The following EIF1AD variants were observed in gnomAD, a reference collection of about 807,000 sequenced individuals.
EIF1AD encodes eukaryotic translation initiation factor 1A domain containing.
In EIF1AD, 9 loss-of-function variants were observed where a neutral mutation model predicts 21.7. That is an observed-to-expected ratio of 0.41 (90% CI 0.25 to 0.72). EIF1AD has a LOEUF of 0.72. Ranked by LOEUF, EIF1AD falls within the 30% of genes least tolerant of loss-of-function variation. EIF1AD has a pLI of 0.29. For synonymous variants in EIF1AD, 78 were observed against 70.9 expected (o/e 1.10, Z -0.50); for missense variants, 164 against 199.7 (o/e 0.82, Z 1.08).
chr11:66,000,021 A>C (rs1855880741), intron 3 of EIF1AD, 32 bp downstream of exon 3: 2 of 1,544,330 alleles, frequency 1.3e-6, no homozygotes, highest in Non-Finnish European at 1.8e-6. Flanking sequence ...CAGCCTCTCA[A>C]AGTGCCAGGA....
chr11:65,999,879 C>T, intron 3 of EIF1AD, 174 bp downstream of exon 3: 1 of 647,918 alleles, frequency 1.5e-6, no homozygotes, highest in Non-Finnish European at 2.7e-6. Context: ...ACCTCCCAGG[C>T]TCAAGTGATT....
chr11:65,999,871 C>T (rs1855876775), intron 3 of EIF1AD, 182 bp downstream of exon 3: 2 of 643,342 alleles, frequency 3.1e-6, no homozygotes, highest in South Asian at 1.9e-5. Context: ...CAGCCTCCAC[C>T]TCCCAGGCTC....
intron 1 of EIF1AD, 128 bp from the exon 2 acceptor site, chr11:66,000,633 C>T: frequency 1.9e-6 from 1 of 527,008 alleles, no homozygotes; most frequent in Non-Finnish European, 3.5e-6. Flanking sequence ...TAACAGCTAA[C>T]TCAGCACTGT....
chr11:65,999,802 A>G (rs1855874727), intron 3 of EIF1AD, 127 bp from the exon 4 acceptor site: 1 of 713,284 alleles, frequency 1.4e-6, no homozygotes, highest in Admixed American at 2.7e-5. Flanking sequence ...CTTTTTTTTG[A>G]GACAGGGTCT....
intron 5 of EIF1AD, among the ~76,000 whole-genome samples, 156 bp from the exon 6 acceptor site, chr11:65,998,899 T>TG (rs1378232704): frequency 2.0e-5 from 3 of 152,128 alleles, no homozygotes; most frequent in Non-Finnish European, 4.4e-5. Context: ...GAGCAAACAG[T>TG]GGGGAAACGT....
chr11:65,998,864 A>C (rs934142128), intron 5 of EIF1AD, 121 bp from the exon 6 acceptor site: 1 of 1,117,438 alleles, frequency 8.9e-7, no homozygotes, highest in African/African-American at 1.6e-5. Flanking sequence ...AGCACCCTTT[A>C]AAGACTCAAA....
chr11:66,000,256 G>A (rs747445566), intron 2 of EIF1AD, 47 bp downstream of exon 2: 2 of 1,610,556 alleles, frequency 1.2e-6, no homozygotes, highest in Non-Finnish European at 1.7e-6. Flanking sequence ...GGCCCTCCAG[G>A]GCTGCAGGGG....
rs1472597310 is a variant in EIF1AD at position 65,996,598 on chromosome 11, A to G, written c.*2001T>C. On this transcript the variant is annotated 3_prime_UTR_variant, in exon 6 of 6. Coordinates refer to ENST00000533544, the MANE Select transcript of EIF1AD (RefSeq NM_001242481.2). ...GTATATACATCTACATACATTTTATACATTATATTCATATATACATATATA... is the reference window on the plus strand; with the variant it reads ...GTATATACATCTACATACATTTTATGCATTATATTCATATATACATATATA... The G allele has an allele frequency of 6.6e-6, 1 of 152,120 alleles. No individual in the cohort carries two copies. The highest frequency in any genetic ancestry group is 2.4e-5 in the African/African-American group (1 of 41,428). 9.4% of individuals were successfully genotyped at this position (152,120 alleles called of 1,614,324 possible).
At chr11:65,998,776 G>A in intron 5 of EIF1AD, 33 bp from the exon 6 acceptor site, 1 of 1,601,108 alleles carries the variant, frequency 6.2e-7, no homozygotes, top group Non-Finnish European at 8.5e-7. Context: ...GGTTAGCCCA[G>A]CGCCTTCTGG....
At position 66,000,330 on chromosome 11, in the gene EIF1AD, C is replaced by A. The variant is rs1855898598; in HGVS notation, c.60G>T (p.Val20=). Residue 20 remains valine (V), a synonymous_variant, in exon 2 of 6, where the codon GTG becomes GTT. Coordinates refer to ENST00000533544, the MANE Select transcript of EIF1AD (RefSeq NM_001242481.2). ...VVKEVLGEHI[V]PSDQQQIVRV... ...TGACAATCTGCTGCTGGTCGGAGGG[C>A]ACTATGTGCTCCCCTAGCACCTCCT... The A allele has an allele frequency of 1.9e-6, 3 of 1,613,322 alleles. No homozygotes were observed. Among genetic ancestry groups the A allele is most frequent in the Non-Finnish European group, 2.5e-6 (3 of 1,179,706 alleles).
chr11:66,001,048 C>A (rs1855934598), intron 1 of EIF1AD, among the ~76,000 whole-genome samples: 2 of 152,094 alleles, frequency 1.3e-5, no homozygotes. Flanking sequence ...GAGCTCGGCT[C>A]TTAAGACACG....
intron 3 of EIF1AD, 29 bp from the exon 4 acceptor site, chr11:65,999,704 C>G (rs765041085): frequency 6.5e-7 from 1 of 1,536,116 alleles, no homozygotes; most frequent in Non-Finnish European, 9.0e-7. Context: ...AAGGCAAAGT[C>G]AGGCCTGCTT....
Position 66,000,496 on chromosome 11 carries a change from G to T in EIF1AD, c.-107C>A. The T allele has an allele frequency of 8.7e-7, 1 of 1,152,186 alleles. No homozygotes were observed. The highest frequency in any genetic ancestry group is 1.3e-6 in the Non-Finnish European group (1 of 798,174). The allele number at this position is 1,152,186 out of a possible 1,614,324, so 71.4% of individuals were successfully genotyped here. On this transcript the variant is annotated 5_prime_UTR_variant, in exon 2 of 6. Transcript: ENST00000533544. ...CCAGGACTGTTCTGAAGATGGGGAG[G>T]GGCCTTTTACTGAGGGGTGACACGG...
chr11:66,000,235 C>T, intron 2 of EIF1AD, 68 bp downstream of exon 2: 1 of 1,609,658 alleles, frequency 6.2e-7, no homozygotes, highest in Non-Finnish European at 8.5e-7. Context: ...GCACCCTACC[C>T]CCACCCCAGG....
rs1048140893 is a variant in EIF1AD at position 65,998,296 on chromosome 11, G to A, written c.*303C>T. On this transcript the variant is annotated 3_prime_UTR_variant, in exon 6 of 6. Coordinates refer to ENST00000533544, the MANE Select transcript of EIF1AD (RefSeq NM_001242481.2). ...CAATAAGAAAGAACAAACCACCTGG[G>A]AAAGACTCCAGCCATTTCCCATTTC... 4.4e-6 allele frequency: 1 copy of A among 225,024 alleles called. No homozygotes were observed. Among genetic ancestry groups the A allele is most frequent in the East Asian group, 1.0e-4 (1 of 9,828 alleles). 13.9% of individuals were successfully genotyped at this position (225,024 alleles called of 1,614,324 possible).
In EIF1AD at chr11:66,000,503, T is replaced by C. The variant is rs1385946462; in HGVS notation, c.-114A>G. On this transcript the variant is annotated splice_region_variant and 5_prime_UTR_variant, in exon 2 of 6. Transcript: ENST00000533544. ...TGTTCTGAAGATGGGGAGGGGCCTTTTACTGAGGGGTGACACGGTGTCTTG... is the reference window on the plus strand; with the variant it reads ...TGTTCTGAAGATGGGGAGGGGCCTTCTACTGAGGGGTGACACGGTGTCTTG... 1.0e-6 allele frequency: 1 copy of C among 990,794 alleles called. No homozygotes were observed. The highest frequency in any genetic ancestry group is 1.5e-6 in the Non-Finnish European group (1 of 654,220). The allele number at this position is 990,794 out of a possible 1,614,324, so 61.4% of individuals were successfully genotyped here. A position where few individuals can be genotyped will look rare whatever the true frequency, so the allele number is the denominator to read the frequency against.
intron 1 of EIF1AD, among the ~76,000 whole-genome samples, 177 bp downstream of exon 1, chr11:66,001,733 T>C (rs986768353): frequency 1.3e-5 from 2 of 152,034 alleles, no homozygotes; most frequent in Non-Finnish European, 2.9e-5. Flanking sequence ...TAATTAAAGG[T>C]TGAGGTGAGC....
chr11:65,996,580 C>T lies in EIF1AD; in HGVS notation c.*2019G>A, dbSNP rs537925429. 6.6e-6 allele frequency: 1 copy of T among 151,988 alleles called. No homozygotes were observed. The highest frequency in any genetic ancestry group is 2.1e-4 in the South Asian group (1 of 4,820). The allele number at this position is 151,988 out of a possible 1,614,324, so 9.4% of individuals were successfully genotyped here. On this transcript the variant is annotated 3_prime_UTR_variant, in exon 6 of 6. Coordinates refer to ENST00000533544, the MANE Select transcript of EIF1AD (RefSeq NM_001242481.2). ...CCATCTCGTTTATTTTTTGTATATA[C>T]ATCTACATACATTTTATACATTATA...
At chr11:65,998,951 G>A (rs538094524) in intron 5 of EIF1AD, among the ~76,000 whole-genome samples, 4 of 152,256 alleles carry the variant, frequency 2.6e-5, no homozygotes, top group South Asian at 2.1e-4. Flanking sequence ...CTCCCCAAAC[G>A]TGTGCCACAG....
Sources: allele counts gnomAD v4.1 joint callset (sites outside exome capture counted in the v4.1 genomes callset), GRCh38; gene constraint gnomAD v4.1.1; transcripts MANE v1.5; gene names NCBI Gene and HGNC (gene_info 2026-07-23, HGNC 2026-07-21).